Variants in RIMS1 observed in about 807,000 individuals in gnomAD.
RIMS1 encodes regulating synaptic membrane exocytosis protein 1.
Under a neutral mutation model 214.1 loss-of-function variants are expected in RIMS1, and 83 were observed. The ratio of observed to expected loss-of-function variants is 0.39; its 90% CI spans 0.32 to 0.47. The LOEUF is 0.47. Among genes scored for constraint, RIMS1 ranks in the 20% least tolerant of loss-of-function variants. RIMS1 has a pLI of 0.99. For missense variants in RIMS1, 2,050 were observed against 2,161.8 expected, an observed-to-expected ratio of 0.95 and a Z score of 1.03; for synonymous variants, 793 against 786.8, an observed-to-expected ratio of 1.01 and a Z score of -0.13.
chr6:72,042,482 T>C (rs751581314), intron 2 of RIMS1, among the ~76,000 whole-genome samples: 31 of 151,920 alleles, frequency 2.0e-4, no homozygotes, highest in Non-Finnish European at 4.0e-4. Flanking sequence ...TAACATTTTA[T>C]ATCAATGAGT....
chr6:72,037,551 C>CA (rs1007898755), intron 2 of RIMS1, among the ~76,000 whole-genome samples: 5 of 151,274 alleles, frequency 3.3e-5, no homozygotes, highest in Non-Finnish European at 5.9e-5. Context: ...ATAGAGATAT[C>CA]AAAAAAACCC....
Position 72,020,424 on chromosome 6 carries a change from C to T in RIMS1, c.245+51361C>T, listed in dbSNP as rs140349893. Among the ~76,000 whole-genome samples, 503 of 152,210 alleles carry T rather than the reference C, an allele frequency of 3.3e-3. 3 individuals carry two copies. Among genetic ancestry groups the T allele is most frequent in the African/African-American group, 0.01 (436 of 41,528 alleles). ...TTGTTTGGAAAGCCATGTTCTAAAC[C>T]CAAGCCCTTGGCCCACTCAGCCTCT... On this transcript the variant is annotated intron_variant, in intron 2 of 33. Coordinates refer to ENST00000521978, the MANE Select transcript of RIMS1 (RefSeq NM_014989.7).
chr6:72,103,284 A>G (rs1316358663), intron 4 of RIMS1, among the ~76,000 whole-genome samples: 1 of 152,086 alleles, frequency 6.6e-6, no homozygotes. Context: ...TGACAAATCT[A>G]TTTTTGAAAT....
chr6:72,366,777 T>C, intron 29 of RIMS1: 1 of 985,770 alleles, frequency 1.0e-6, no homozygotes, highest in African/African-American at 1.7e-5. Context: ...ACCGCACAAG[T>C]TATTTAAACC....
At chr6:71,892,502 T>C (rs1770229932) in intron 1 of RIMS1, among the ~76,000 whole-genome samples, 1 of 152,096 alleles carries the variant, frequency 6.6e-6, no homozygotes, top group Non-Finnish European at 1.5e-5. Flanking sequence ...GGGTGGACTC[T>C]CCAGAACTGT....
In RIMS1 at chr6:72,134,981, T is replaced by A. The variant is rs571348360; in HGVS notation, c.471+34995T>A. On this transcript the variant is annotated intron_variant, in intron 4 of 33. Transcript: ENST00000521978. The stretch of plus-strand genomic sequence containing the variant: ...GAATGTGACATTCAGTTTGAGTACA[T>A]TTAGTTCAAGCACAAAATTTTCGTT... Among the ~76,000 whole-genome samples the A allele has an allele frequency of 1.4e-4, 21 of 152,202 alleles. No homozygotes were observed. The South Asian group carries it at 3.3e-3, about 24-fold the overall frequency.
At chr6:71,898,813 GC>G (rs1772678339) in intron 1 of RIMS1, among the ~76,000 whole-genome samples, 2 of 152,256 alleles carry the variant, frequency 1.3e-5, no homozygotes, top group South Asian at 4.1e-4. Context: ...TACTGAGAGA[GC>G]TAGGGATAAG....
intron 31 of RIMS1, among the ~76,000 whole-genome samples, chr6:72,397,526 T>C (rs2098792667): frequency 6.6e-6 from 1 of 152,226 alleles, no homozygotes; most frequent in African/African-American, 2.4e-5. Context: ...GTTGGCAGTA[T>C]GCATGGAATT....
intron 4 of RIMS1, among the ~76,000 whole-genome samples, chr6:72,159,080 G>A (rs2044882392): frequency 7.1e-6 from 1 of 140,542 alleles, no homozygotes; most frequent in Non-Finnish European, 1.6e-5. Context: ...ACTTTCTAAT[G>A]ATCGCAATTC....
chr6:71,892,007 A>G (rs761135164), intron 1 of RIMS1, among the ~76,000 whole-genome samples: 2 of 152,130 alleles, frequency 1.3e-5, no homozygotes, highest in Non-Finnish European at 2.9e-5. Context: ...ATTTGTCCTC[A>G]TGGGCTGTTT....
At position 72,314,264 on chromosome 6, in the gene RIMS1, A is replaced by G. The variant is rs539697861; in HGVS notation, c.4130+592A>G. The stretch of plus-strand genomic sequence containing the variant: ...CTAAACTAAAGCAGATTGATTATGG[A>G]CAAAACATATTTTGTATTAGTTCTT... On this transcript the variant is annotated intron_variant, in intron 28 of 33. Transcript: ENST00000521978. 7.2e-5 allele frequency among the ~76,000 whole-genome samples: 11 copies of G among 152,338 alleles called. 1 individual carries two copies. Among genetic ancestry groups the G allele is most frequent in the South Asian group, 4.1e-4 (2 of 4,824 alleles).
intron 2 of RIMS1, among the ~76,000 whole-genome samples, chr6:72,013,191 C>T (rs996472018): frequency 3.9e-5 from 6 of 151,952 alleles, no homozygotes; most frequent in Admixed American, 1.3e-4. Context: ...TAGAGAATGC[C>T]CAGAAAATAA....
At chr6:72,330,376 A>AG (rs1426633594) in intron 28 of RIMS1, among the ~76,000 whole-genome samples, 2 of 151,774 alleles carry the variant, frequency 1.3e-5, no homozygotes, top group Admixed American at 6.6e-5. Context: ...GTCTACAAGA[A>AG]GGGGGGGATC....
intron 6 of RIMS1, among the ~76,000 whole-genome samples, chr6:72,228,888 T>G (rs2061104094): frequency 6.6e-6 from 1 of 151,918 alleles, no homozygotes; most frequent in African/African-American, 2.4e-5. Flanking sequence ...GTGGTTTTGA[T>G]TTGTATTTCT....
At chr6:71,972,970 C>T (rs1306572504) in intron 2 of RIMS1, among the ~76,000 whole-genome samples, 1 of 152,182 alleles carries the variant, frequency 6.6e-6, no homozygotes, top group Non-Finnish European at 1.5e-5. Flanking sequence ...GGCTGGAGTG[C>T]AGTGGCATAA....
intron 2 of RIMS1, among the ~76,000 whole-genome samples, chr6:72,077,658 G>C (rs572424482): frequency 8.5e-5 from 13 of 152,250 alleles, no homozygotes; most frequent in African/African-American, 2.9e-4. Flanking sequence ...TGGTGAAAGA[G>C]AACTGAGATC....
chr6:72,271,668 A>G (rs2083459913), intron 22 of RIMS1, among the ~76,000 whole-genome samples: 1 of 152,148 alleles, frequency 6.6e-6, no homozygotes, highest in African/African-American at 2.4e-5. Flanking sequence ...GAGCTGCAAC[A>G]TAAGTATCAT....
At chr6:71,989,443 T>C (rs2151581535) in intron 2 of RIMS1, among the ~76,000 whole-genome samples, 1 of 152,300 alleles carries the variant, frequency 6.6e-6, no homozygotes, top group South Asian at 2.1e-4. Flanking sequence ...GAAGCTTCAC[T>C]CACCAGGGGG....
chr6:72,179,745 G>A lies in RIMS1; in HGVS notation c.642G>A (p.Glu214=), dbSNP rs371815320. The part of the protein sequence containing the change: ...VPREKKARLQ[E]RSRSQTPLST... ...GAGAAAAGAAAGCACGACTCCAAGA[G>A]CGATCGCGGTCTCAGACACCCCTAA... Residue 214 remains glutamate, a synonymous_variant, in exon 5 of 34, where the codon GAG becomes GAA. Coordinates refer to ENST00000521978, the MANE Select transcript of RIMS1 (RefSeq NM_014989.7). 8 of 1,613,738 alleles carry A rather than the reference G, an allele frequency of 5.0e-6. No individual in the cohort carries two copies. The highest frequency in any genetic ancestry group is 3.3e-5 in the Admixed American group (2 of 60,008).
Sources: allele counts gnomAD v4.1 joint callset (sites outside exome capture counted in the v4.1 genomes callset), GRCh38; gene constraint gnomAD v4.1.1; transcripts MANE v1.5; gene names NCBI Gene and HGNC (gene_info 2026-07-23, HGNC 2026-07-21).